TENM4: variants seen among roughly 807,000 people sequenced by gnomAD.
TENM4 encodes teneurin-4.
In TENM4, 82 loss-of-function variants were observed where a neutral mutation model predicts 243.3. The observed-to-expected ratio is 0.34, with a 90% CI of 0.28 to 0.40. The LOEUF (loss-of-function observed/expected upper bound fraction) is 0.40. Among genes scored for constraint, TENM4 ranks in the 10% least tolerant of loss-of-function variants. The pLI is 1.00. For synonymous variants in TENM4, 1,412 were observed against 1,456.3 expected (o/e 0.97, Z 0.69); for missense variants, 3,138 against 3,673.3 (o/e 0.85, Z 3.77).
chr11:79,304,534 A>G (rs1856596695), intron 1 of TENM4, among the ~76,000 whole-genome samples: 2 of 152,252 alleles, frequency 1.3e-5, no homozygotes, highest in South Asian at 4.1e-4. Context: ...TCCTTGAAAC[A>G]TGCTCACTTT....
chr11:78,692,001 A>C (rs1858839114), intron 28 of TENM4, among the ~76,000 whole-genome samples: 1 of 152,084 alleles, frequency 6.6e-6, no homozygotes, highest in South Asian at 2.1e-4. Flanking sequence ...TTGCCCTGTG[A>C]GCCACCTCTA....
At chr11:78,815,816 G>A (rs183435346) in intron 12 of TENM4, among the ~76,000 whole-genome samples, 1 of 152,370 alleles carries the variant, frequency 6.6e-6, no homozygotes, top group Admixed American at 6.5e-5. Flanking sequence ...ACAGGTGGCT[G>A]AGAGAAATGA....
chr11:78,838,343 T>C (rs1330055121), intron 12 of TENM4, among the ~76,000 whole-genome samples: 1 of 152,210 alleles, frequency 6.6e-6, no homozygotes, highest in Non-Finnish European at 1.5e-5. Flanking sequence ...TTACTGCATA[T>C]ATTTTCTTAC....
chr11:79,224,898 C>A (rs1228916016), intron 2 of TENM4, among the ~76,000 whole-genome samples: 1 of 150,928 alleles, frequency 6.6e-6, no homozygotes, highest in Non-Finnish European at 1.5e-5. Flanking sequence ...ATGCAGTGAG[C>A]AAAGATTGTG....
rs557759475 is a variant in TENM4 at position 79,316,734 on chromosome 11, C to T, written c.-320-19191G>A. Among the ~76,000 whole-genome samples the T allele has an allele frequency of 1.6e-4, 25 of 152,260 alleles. No homozygotes were observed. In the South Asian group the frequency reaches 4.8e-3, roughly 29 times the overall value. ...AAGTGCAGGCGGGCAGGCAAGAGTG[C>T]CTGTGGATTATAGTCAATAGCCCTG... On this transcript the variant is annotated intron_variant, in intron 1 of 33. Coordinates refer to ENST00000278550, the MANE Select transcript of TENM4 (RefSeq NM_001098816.3).
intron 10 of TENM4, among the ~76,000 whole-genome samples, chr11:78,860,337 G>A (rs1858786167): frequency 6.6e-6 from 1 of 152,176 alleles, no homozygotes; most frequent in Non-Finnish European, 1.5e-5. Flanking sequence ...GAAGGTCAAG[G>A]GAGATGCAGT....
At chr11:78,856,367 T>C (rs1591074876) in intron 10 of TENM4, among the ~76,000 whole-genome samples, 189 bp from the exon 11 acceptor site, 1 of 152,072 alleles carries the variant, frequency 6.6e-6, no homozygotes, top group African/African-American at 2.4e-5. Context: ...AACTTTTTTT[T>C]CCCCCCAGCG....
intron 4 of TENM4, chr11:79,096,861 A>G (rs977459385): frequency 3.9e-5 from 6 of 152,574 alleles, no homozygotes; most frequent in Admixed American, 2.6e-4. Flanking sequence ...CCATTCTCAC[A>G]CATTTCAATC....
intron 1 of TENM4, among the ~76,000 whole-genome samples, chr11:79,382,022 G>C (rs1427849079): frequency 6.6e-6 from 1 of 152,174 alleles, no homozygotes; most frequent in African/African-American, 2.4e-5. Context: ...GGGAGCATTT[G>C]GCACGTGCCA....
intron 3 of TENM4, among the ~76,000 whole-genome samples, chr11:79,187,397 C>T (rs1863399176): frequency 6.6e-6 from 1 of 152,178 alleles, no homozygotes; most frequent in Admixed American, 6.5e-5. Context: ...ATGCATGGGT[C>T]CTTAATAATT....
At chr11:79,127,063 A>T (rs2137148920) in intron 4 of TENM4, among the ~76,000 whole-genome samples, 1 of 152,222 alleles carries the variant, frequency 6.6e-6, no homozygotes, top group African/African-American at 2.4e-5. Flanking sequence ...GGGTTCCCCC[A>T]CTCATCCTGT....
intron 1 of TENM4, among the ~76,000 whole-genome samples, chr11:79,413,183 C>T (rs561776419): frequency 1.9e-3 from 284 of 152,304 alleles, no homozygotes; most frequent in Non-Finnish European, 2.9e-3. Context: ...AGTAAAAACA[C>T]ACATTCTGGG....
At chr11:79,192,935 G>C (rs1027305691) in intron 3 of TENM4, 2 of 152,288 alleles carry the variant, frequency 1.3e-5, no homozygotes, top group Non-Finnish European at 2.9e-5. Flanking sequence ...TTCCCAGCAA[G>C]GTTGTAGGCA....
Position 78,812,202 on chromosome 11 carries a change from A to G in TENM4, c.1898T>C (p.Val633Ala), listed in dbSNP as rs984185110. ...CDVPTNQCID[V>A]ACSNHGTCIT... ...GCAGGTGCCATGGTTGCTGCAGGCC[A>G]CATCGATACACTGGTTGGTGGGCAC... The change falls in exon 14 of 34, where the codon GTG becomes GCG. Residue 633 changes from valine (V) to alanine (A), a missense_variant. Val to Ala is a moderately conservative substitution (Grantham distance 64). Coordinates refer to ENST00000278550, the MANE Select transcript of TENM4 (RefSeq NM_001098816.3). The G allele has an allele frequency of 6.4e-7, 1 of 1,551,890 alleles. No homozygotes were observed. Among genetic ancestry groups the G allele is most frequent in the Non-Finnish European group, 8.7e-7 (1 of 1,147,070 alleles).
At position 78,654,750 on chromosome 11, in the gene TENM4, C is replaced by G. The variant is rs779066119; in HGVS notation, c.*3308G>C. ...CAGAGGCTGACAAGGCAGTAATTTA[C>G]CTGCATGCCTTCCCCTTCCTCCAGT... On this transcript the variant is annotated 3_prime_UTR_variant, in exon 34 of 34. Coordinates refer to ENST00000278550, the MANE Select transcript of TENM4 (RefSeq NM_001098816.3). The G allele has an allele frequency of 1.3e-5, 2 of 152,084 alleles. No homozygotes were observed. The highest frequency in any genetic ancestry group is 1.3e-4 in the Admixed American group (2 of 15,268). The allele number at this position is 152,084 out of a possible 1,614,324, so 9.4% of individuals were successfully genotyped here.
intron 2 of TENM4, among the ~76,000 whole-genome samples, chr11:79,240,163 G>A (rs1864562960): frequency 6.6e-6 from 1 of 152,054 alleles, no homozygotes; most frequent in South Asian, 2.1e-4. Flanking sequence ...CCCTCAGGAG[G>A]GTGATAACAG....
At chr11:78,668,855 G>A (rs1858231134) in intron 32 of TENM4, 82 bp downstream of exon 32, 2 of 1,490,254 alleles carry the variant, frequency 1.3e-6, no homozygotes, top group Non-Finnish European at 1.8e-6. Flanking sequence ...CCTTATGCCA[G>A]CTTTCTCAAA....
At chr11:79,259,137 A>G (rs1855748899) in intron 2 of TENM4, among the ~76,000 whole-genome samples, 1 of 152,202 alleles carries the variant, frequency 6.6e-6, no homozygotes, top group Non-Finnish European at 1.5e-5. Flanking sequence ...GTGTGCCATA[A>G]TGAGAATATT....
intron 6 of TENM4, among the ~76,000 whole-genome samples, chr11:78,998,454 T>A (rs1172542863): frequency 1.3e-5 from 2 of 152,242 alleles, no homozygotes; most frequent in African/African-American, 4.8e-5. Context: ...AAATCATCTC[T>A]TCTCAAAAGG....
Sources: allele counts gnomAD v4.1 joint callset (sites outside exome capture counted in the v4.1 genomes callset), GRCh38; gene constraint gnomAD v4.1.1; transcripts MANE v1.5; gene names NCBI Gene and HGNC (gene_info 2026-07-23, HGNC 2026-07-21).